Variants in CSGALNACT1 observed in about 807,000 individuals in gnomAD.
The protein encoded by CSGALNACT1 is beta4GalNAcT-1.
In CSGALNACT1, 52 loss-of-function variants were observed where a neutral mutation model predicts 51.0. The ratio of observed to expected loss-of-function variants is 1.02; its 90% CI spans 0.82 to 1.29. The LOEUF (loss-of-function observed/expected upper bound fraction) is 1.29. CSGALNACT1 is among the 50% of genes most tolerant of loss of function. The pLI is 0.00. For synonymous variants in CSGALNACT1, 341 were observed against 254.4 expected, an observed-to-expected ratio of 1.34 and a Z score of -3.24; for missense variants, 935 against 679.2, an observed-to-expected ratio of 1.38 and a Z score of -4.19.
At chr8:19,731,652 T>A (rs2154246035) in intron 1 of CSGALNACT1, among the ~76,000 whole-genome samples, 1 of 152,254 alleles carries the variant, frequency 6.6e-6, no homozygotes, top group East Asian at 1.9e-4. Flanking sequence ...CTGAAAGAGA[T>A]CTGTGGATAG....
intron 3 of CSGALNACT1, among the ~76,000 whole-genome samples, chr8:19,537,236 C>A (rs997557274): frequency 2.0e-5 from 3 of 152,148 alleles, no homozygotes; most frequent in African/African-American, 7.2e-5. Context: ...TACACTCCCC[C>A]TCCTTCTTTG....
intron 1 of CSGALNACT1, chr8:19,732,345 A>G (rs1158068043): frequency 1.3e-5 from 2 of 152,132 alleles, no homozygotes; most frequent in Non-Finnish European, 2.9e-5. Context: ...AAATCAATCA[A>G]TGTCTACTGT....
At chr8:19,439,049 C>G (rs992398522) in intron 6 of CSGALNACT1, among the ~76,000 whole-genome samples, 1 of 152,210 alleles carries the variant, frequency 6.6e-6, no homozygotes, top group African/African-American at 2.4e-5. Flanking sequence ...AACCACCCAC[C>G]TGATTACTCA....
rs11785443 is a variant in CSGALNACT1, at chr8:19,450,768, G to C, written c.851+7658C>G. On this transcript the variant is annotated intron_variant, in intron 5 of 9. Transcript: ENST00000454498. ...TTTGTCTCTACAAAAAATCTGGCTG[G>C]ATGTGGTGGCATGCATCCGTAGCCC... 7.0e-3 allele frequency among the ~76,000 whole-genome samples: 1,060 copies of C among 152,116 alleles called. 9 individuals carry two copies. The highest frequency in any genetic ancestry group is 0.011 in the Non-Finnish European group (754 of 67,990).
intron 6 of CSGALNACT1, among the ~76,000 whole-genome samples, chr8:19,429,124 T>C (rs557863380): frequency 6.6e-6 from 1 of 152,306 alleles, no homozygotes; most frequent in East Asian, 1.9e-4. Context: ...CATGGATTTA[T>C]GTATAAAGAA....
At chr8:19,450,789 A>T (rs1188384330) in intron 5 of CSGALNACT1, among the ~76,000 whole-genome samples, 1 of 152,026 alleles carries the variant, frequency 6.6e-6, no homozygotes, top group Non-Finnish European at 1.5e-5. Context: ...ATGCATCCGT[A>T]GCCCCAGCTA....
intron 1 of CSGALNACT1, among the ~76,000 whole-genome samples, chr8:19,680,574 C>CCCCA (rs2060535045): frequency 9.6e-6 from 1 of 104,184 alleles, no homozygotes; most frequent in African/African-American, 3.6e-5. Context: ...ACCCCCCCCC[C>CCCCA]CCCCCACAAA....
chr8:19,639,309 C>T (rs1158408768), intron 1 of CSGALNACT1, among the ~76,000 whole-genome samples: 1 of 152,188 alleles, frequency 6.6e-6, no homozygotes, highest in East Asian at 1.9e-4. Flanking sequence ...GAGAGACAAA[C>T]ATGTCTACAT....
intron 3 of CSGALNACT1, among the ~76,000 whole-genome samples, chr8:19,556,935 C>T (rs1432716019): frequency 7.1e-6 from 1 of 140,284 alleles, no homozygotes; most frequent in African/African-American, 2.7e-5. Flanking sequence ...GTGCTATAAA[C>T]AAACCACACC....
At chr8:19,581,005 T>C (rs557584693) in intron 3 of CSGALNACT1, among the ~76,000 whole-genome samples, 1 of 152,178 alleles carries the variant, frequency 6.6e-6, no homozygotes, top group South Asian at 2.1e-4. Flanking sequence ...TTAAGTCACA[T>C]TTAAGACAGG....
At chr8:19,716,612 CAAAAAAAAAAAAAAAA>C (rs60464594) in intron 1 of CSGALNACT1, among the ~76,000 whole-genome samples, 4 of 41,968 alleles carry the variant, frequency 9.5e-5, no homozygotes, top group South Asian at 1.5e-3. Flanking sequence ...ACCCTCTCTA[CAAAAAAAAAAAAAAAA>C]AAAAAAAAAA....
intron 1 of CSGALNACT1, among the ~76,000 whole-genome samples, chr8:19,699,533 T>C (rs1054382617): frequency 6.6e-6 from 1 of 152,164 alleles, no homozygotes; most frequent in African/African-American, 2.4e-5. Flanking sequence ...AATAAGCCCA[T>C]CACTAAAGGG....
intron 1 of CSGALNACT1, among the ~76,000 whole-genome samples, chr8:19,732,991 G>A (rs1427457004): frequency 6.6e-6 from 1 of 152,146 alleles, no homozygotes; most frequent in African/African-American, 2.4e-5. Flanking sequence ...GAAAAATGGA[G>A]TACTTATAAT....
chr8:19,406,176 G>T lies in CSGALNACT1; in HGVS notation c.1310-107C>A. 1.2e-5 allele frequency: 15 copies of T among 1,269,250 alleles called. 1 individual carries two copies. The South Asian group carries it at 1.8e-4, about 15-fold the overall frequency. 78.6% of individuals were successfully genotyped at this position (1,269,250 alleles called of 1,614,324 possible). ...ATTAAGACATGACTGGGGGGGATGC[G>T]TGCTTCACCACCACCCCTCCAAGGT... On this transcript the variant is annotated intron_variant, in intron 9 of 9. Transcript: ENST00000454498.
At chr8:19,733,515 T>A (rs2063799329) in intron 1 of CSGALNACT1, among the ~76,000 whole-genome samples, 1 of 152,030 alleles carries the variant, frequency 6.6e-6, no homozygotes, top group African/African-American at 2.4e-5. Context: ...CCAGCAGCTG[T>A]GTGACATATG....
rs1586427014 is a variant in CSGALNACT1, at chr8:19,456,750, A to G, written c.851+1676T>C. 2.0e-5 allele frequency among the ~76,000 whole-genome samples: 3 copies of G among 152,162 alleles called. No homozygotes were observed. In the South Asian group the frequency reaches 6.2e-4, roughly 31 times the overall value. Reference sequence around the variant, plus strand: ...TGGGAAAAGATCAATCTATTAGCCCACTCTACTTTGGATTACATCATGGCT... The same window carrying G: ...TGGGAAAAGATCAATCTATTAGCCCGCTCTACTTTGGATTACATCATGGCT... On this transcript the variant is annotated intron_variant, in intron 5 of 9. Coordinates refer to ENST00000454498, the Ensembl canonical transcript of CSGALNACT1.
chr8:19,744,310 G>C (rs184612245), intron 1 of CSGALNACT1, among the ~76,000 whole-genome samples: 1 of 152,182 alleles, frequency 6.6e-6, no homozygotes, highest in African/African-American at 2.4e-5. Flanking sequence ...CTCATGCTCA[G>C]CGGACCACAG....
At chr8:19,626,796 G>C (rs923800565) in intron 1 of CSGALNACT1, among the ~76,000 whole-genome samples, 1 of 152,096 alleles carries the variant, frequency 6.6e-6, no homozygotes, top group Non-Finnish European at 1.5e-5. Context: ...AGAGAATATG[G>C]GTGGTGAGTA....
rs1014767942 is a variant in CSGALNACT1, at chr8:19,468,228, T to A, written c.635-9586A>T. Among the ~76,000 whole-genome samples the A allele has an allele frequency of 2.6e-5, 4 of 152,062 alleles. No individual in the cohort carries two copies. The South Asian group carries it at 8.3e-4, about 32-fold the overall frequency. ...GCATGTGTTGGCCAAGACAACAACA[T>A]CAGAGCGAGCATTTTAAGGAAAGAT... On this transcript the variant is annotated intron_variant, in intron 4 of 9. Transcript: ENST00000454498.
Sources: allele counts gnomAD v4.1 joint callset (sites outside exome capture counted in the v4.1 genomes callset), GRCh38; gene constraint gnomAD v4.1.1; transcripts MANE v1.5; gene names NCBI Gene and HGNC (gene_info 2026-07-23, HGNC 2026-07-21).